The following LMLN variants were observed in gnomAD, a reference collection of about 807,000 sequenced individuals.
The protein encoded by LMLN is leishmanolysin like peptidase, also known as leishmanolysin-like peptidase.
In LMLN, 70 loss-of-function variants were observed where a neutral mutation model predicts 92.3. The ratio of observed to expected loss-of-function variants is 0.76; its 90% CI spans 0.63 to 0.92. The LOEUF (loss-of-function observed/expected upper bound fraction) is 0.92. Ranked by LOEUF, LMLN falls within the 40% of genes least tolerant of loss-of-function variation. The pLI is 0.00. For missense variants in LMLN, 691 were observed against 814.6 expected, an observed-to-expected ratio of 0.85 and a Z score of 1.85; for synonymous variants, 308 against 296.2, an observed-to-expected ratio of 1.04 and a Z score of -0.41.
intron 9 of LMLN, among the ~76,000 whole-genome samples, chr3:197,992,325 C>T (rs1206366100): frequency 6.6e-6 from 1 of 152,052 alleles, no homozygotes; most frequent in East Asian, 1.9e-4. Context: ...GCCTTGGCCT[C>T]CTGAAGTGCT....
chr3:198,000,517 T>G (rs2109900572), intron 11 of LMLN, among the ~76,000 whole-genome samples: 1 of 152,258 alleles, frequency 6.6e-6, no homozygotes, highest in Middle Eastern at 3.4e-3. Context: ...AACCTCCACC[T>G]CTCAGGGTCA....
intron 15 of LMLN, among the ~76,000 whole-genome samples, chr3:198,036,944 T>TA (rs1723251498): frequency 6.6e-6 from 1 of 152,162 alleles, no homozygotes; most frequent in Non-Finnish European, 1.5e-5. Flanking sequence ...TGATTGAAAA[T>TA]AGAGGGCCAC....
exon 16 of LMLN, chr3:198,043,279 G>C (rs1723461736): frequency 6.6e-6 from 1 of 152,400 alleles, no homozygotes; most frequent in Non-Finnish European, 1.5e-5. Flanking sequence ...AGGAGCATAC[G>C]CCATCCTGCG....
chr3:197,970,149 C>CA (rs1027722738), intron 1 of LMLN, among the ~76,000 whole-genome samples: 4 of 151,014 alleles, frequency 2.6e-5, no homozygotes, highest in African/African-American at 9.7e-5. Context: ...GAGACTGTCT[C>CA]AAAAAAACCC....
intron 14 of LMLN, among the ~76,000 whole-genome samples, chr3:198,034,639 A>ATTTT (rs1197545839): frequency 2.6e-5 from 4 of 152,168 alleles, no homozygotes; most frequent in Non-Finnish European, 5.9e-5. Context: ...AAATTTTAAA[A>ATTTT]AATTACTATT....
At chr3:197,968,445 G>C (rs919735870) in intron 1 of LMLN, among the ~76,000 whole-genome samples, 4 of 151,362 alleles carry the variant, frequency 2.6e-5, no homozygotes, top group African/African-American at 9.7e-5. Context: ...AACAGAGCAA[G>C]ACTCTGTCTC....
At chr3:197,964,460 G>A (rs915992794) in intron 1 of LMLN, among the ~76,000 whole-genome samples, 2 of 150,422 alleles carry the variant, frequency 1.3e-5, no homozygotes, top group Admixed American at 1.3e-4. Flanking sequence ...GAGTGCAGTG[G>A]CGCAATCTCA....
At chr3:198,020,720 A>T (rs1196308289) in intron 12 of LMLN, among the ~76,000 whole-genome samples, 1 of 149,108 alleles carries the variant, frequency 6.7e-6, no homozygotes, top group Non-Finnish European at 1.5e-5. Context: ...CAGCTTCTCA[A>T]GTAGCTGGGA....
intron 11 of LMLN, among the ~76,000 whole-genome samples, chr3:198,014,780 A>C (rs1284437191): frequency 9.3e-4 from 121 of 130,682 alleles, no homozygotes; most frequent in Admixed American, 1.5e-3. Context: ...CCCCCTAACT[A>C]GTCTGACTTC....
intron 10 of LMLN, among the ~76,000 whole-genome samples, chr3:197,997,708 A>G (rs1350505569): frequency 1.3e-5 from 2 of 152,138 alleles, no homozygotes; most frequent in East Asian, 1.9e-4. Flanking sequence ...CAATGAACCA[A>G]CGTGATTCCT....
chr3:197,977,475 G>A (rs1034779147), intron 5 of LMLN, among the ~76,000 whole-genome samples: 11 of 151,578 alleles, frequency 7.3e-5, no homozygotes, highest in African/African-American at 1.7e-4. Flanking sequence ...GTACACACAC[G>A]TTAAATCTGG....
At chr3:198,038,449 C>T (rs1723295952) in intron 15 of LMLN, 118 bp from the exon 17 acceptor site, 2 of 755,448 alleles carry the variant, frequency 2.6e-6, no homozygotes, top group Admixed American at 4.4e-5. Flanking sequence ...TGATTTAGCT[C>T]TCAAGGTGGT....
chr3:197,978,838 A>C lies in LMLN; in HGVS notation c.550-1488A>C, dbSNP rs533960185. ...AAACCTTCTGTCTACTAAAGATACA[A>C]AAGTTAGCTGGGCATGGTGGTGGGT... On this transcript the variant is annotated intron_variant, in intron 5 of 15. Coordinates refer to ENST00000330198, the Ensembl canonical transcript of LMLN. Among the ~76,000 whole-genome samples the C allele has an allele frequency of 3.3e-5, 5 of 152,140 alleles. No homozygotes were observed. In the East Asian group the frequency reaches 9.7e-4, roughly 29 times the overall value.
rs750929535 is a variant in LMLN at position 197,976,211 on chromosome 3, TA to T, written c.431+101del. On this transcript the variant is annotated intron_variant, in intron 4 of 15. Coordinates refer to ENST00000330198, the Ensembl canonical transcript of LMLN. ...AGGTATGAAACTTATACTAGAATTT[TA>T]TTATGCTTGTTCTTAGGGACCTAAC... 41 of 674,644 alleles carry T rather than the reference TA, an allele frequency of 6.1e-5. 1 individual carries two copies. The highest frequency in any genetic ancestry group is 2.0e-4 in the Admixed American group (6 of 30,394). The allele number at this position is 674,644 out of a possible 1,614,324, so 41.8% of individuals were successfully genotyped here. A position where few individuals can be genotyped will look rare whatever the true frequency, so the allele number is the denominator to read the frequency against.
At position 197,988,396 on chromosome 3, in the gene LMLN, A is replaced by T. The variant is rs564387908; in HGVS notation, c.930-2163A>T. ...CATTTATAGCTTCAATGCATTTGAA[A>T]TTTTTTTTGATTTATGTATTTTGGG... On this transcript the variant is annotated intron_variant, in intron 8 of 15. Transcript: ENST00000330198. 1.6e-3 allele frequency among the ~76,000 whole-genome samples: 245 copies of T among 150,332 alleles called. 4 individuals are homozygous for T. Among genetic ancestry groups the T allele is most frequent in the East Asian group, 2.9e-3 (15 of 5,126 alleles).
intron 11 of LMLN, among the ~76,000 whole-genome samples, chr3:198,003,524 T>A (rs1251795672): frequency 1.3e-5 from 2 of 152,182 alleles, no homozygotes; most frequent in Admixed American, 1.3e-4. Flanking sequence ...CAAATCCAGA[T>A]GCATATTATA....
chr3:198,028,412 A>G (rs1722994013), intron 14 of LMLN, among the ~76,000 whole-genome samples: 2 of 152,246 alleles, frequency 1.3e-5, no homozygotes, highest in Admixed American at 1.3e-4. Flanking sequence ...AAGATTGGCT[A>G]TCTGTGGCTA....
chr3:198,019,236 C>A lies in LMLN; in HGVS notation c.1233-17C>A. Reference sequence around the variant, plus strand: ...TTCTTTAAAGTTTGATACCATGGTACTTCTCTTTGTTTGCAGGAGACAGAT... The same window carrying A: ...TTCTTTAAAGTTTGATACCATGGTAATTCTCTTTGTTTGCAGGAGACAGAT... On this transcript the variant is annotated splice_polypyrimidine_tract_variant and intron_variant, in intron 11 of 15. Transcript: ENST00000330198. This position sits in a 1 kb window ranked among gnomAD's most constrained non-coding sequence, Gnocchi z 5.5. 2.5e-6 allele frequency: 4 copies of A among 1,604,034 alleles called. No homozygotes were observed. Among genetic ancestry groups the A allele is most frequent in the Non-Finnish European group, 3.4e-6 (4 of 1,177,026 alleles).
chr3:197,974,119 ACCCTAAAAGCTTTTTGGCAGCTACTGTAT>A (rs1160094739), intron 1 of LMLN, among the ~76,000 whole-genome samples: 1 of 152,198 alleles, frequency 6.6e-6, no homozygotes, highest in African/African-American at 2.4e-5. Context: ...GTGACAGAGA[ACCCTAAAAGCTTTTTGGCAGCTACTGTAT>A]CCATAATGAT....
Sources: gnomAD v4.1 joint callset for allele counts (sites outside exome capture counted in the v4.1 genomes callset) on GRCh38, gnomAD v4.1.1 for gene constraint, Gnocchi (gnomAD v3.1) non-coding constraint, MANE v1.5 for transcripts, NCBI Gene and HGNC (gene_info 2026-07-23, HGNC 2026-07-21) for gene names.